Variants in KLF7 observed in about 807,000 individuals in gnomAD.
KLF7 encodes Krueppel-like factor 7.
A neutral mutation model predicts 27.3 loss-of-function variants in KLF7; 2 were observed. The observed-to-expected ratio is 0.07, with a 90% CI of 0.03 to 0.23. KLF7 has a LOEUF of 0.23. KLF7 is among the 10% of genes least tolerant of loss of function. The pLI is 1.00. For missense variants in KLF7, 221 were observed against 394.1 expected (o/e 0.56, Z 3.72); for synonymous variants, 165 against 162.4 (o/e 1.02, Z -0.12).
At chr2:207,103,462 C>T (rs1053831841) in intron 2 of KLF7, among the ~76,000 whole-genome samples, 3 of 152,206 alleles carry the variant, frequency 2.0e-5, no homozygotes, top group African/African-American at 4.8e-5. Flanking sequence ...AGAAATCTTA[C>T]ATCTTTAAGC....
rs578006267 is a variant in KLF7, at chr2:207,081,162, G to C, written c.*51C>G. On this transcript the variant is annotated 3_prime_UTR_variant, in exon 4 of 4. Transcript: ENST00000309446. ...GAAGTCCAGCCCCCTGCCTCATGGC[G>C]TTTCCTTTAGACACTAGCCGATGCC... The C allele has an allele frequency of 3.2e-6, 5 of 1,558,602 alleles. No homozygotes were observed. The South Asian group carries it at 5.6e-5, about 17-fold the overall frequency.
intron 1 of KLF7, among the ~76,000 whole-genome samples, chr2:207,143,791 C>T (rs1238299279): frequency 6.6e-6 from 1 of 152,112 alleles, no homozygotes; most frequent in African/African-American, 2.4e-5. Context: ...GCACATTTGA[C>T]CTTTGGAAAT....
intron 1 of KLF7, among the ~76,000 whole-genome samples, chr2:207,153,482 A>G (rs2078300742): frequency 6.6e-6 from 1 of 152,252 alleles, no homozygotes; most frequent in African/African-American, 2.4e-5. Flanking sequence ...ACAGAGAGGT[A>G]AAGTGAGACA....
chr2:207,102,951 CAG>C (rs2076801471), intron 2 of KLF7, among the ~76,000 whole-genome samples: 1 of 152,126 alleles, frequency 6.6e-6, no homozygotes, highest in African/African-American at 2.4e-5. Flanking sequence ...ATTTTTGAGA[CAG>C]AGTCTCGCTC....
chr2:207,149,841 C>A (rs1181486817), intron 1 of KLF7, among the ~76,000 whole-genome samples: 1 of 152,208 alleles, frequency 6.6e-6, no homozygotes, highest in African/African-American at 2.4e-5. Context: ...TCTCCAAGAG[C>A]AACATACTGC....
At chr2:207,106,776 T>C (rs535832959) in intron 2 of KLF7, among the ~76,000 whole-genome samples, 1 of 152,232 alleles carries the variant, frequency 6.6e-6, no homozygotes, top group African/African-American at 2.4e-5. Flanking sequence ...ATGATGGTAA[T>C]GGATGCTAAG....
intron 2 of KLF7, among the ~76,000 whole-genome samples, chr2:207,099,550 CGA>C (rs1491449383): frequency 4.4e-5 from 1 of 22,844 alleles, no homozygotes; most frequent in Non-Finnish European, 8.9e-5. Flanking sequence ...GCTACATATG[CGA>C]TATATATATA....
At chr2:207,157,110 AG>A (rs1177070407) in intron 1 of KLF7, among the ~76,000 whole-genome samples, 2 of 152,108 alleles carry the variant, frequency 1.3e-5, no homozygotes, top group Non-Finnish European at 2.9e-5. Flanking sequence ...CAGTGTGCAA[AG>A]CTTTCTAAGA....
At position 207,094,013 on chromosome 2, in the gene KLF7, C is replaced by G. The variant is rs552290734; in HGVS notation, c.734-5432G>C. On this transcript the variant is annotated intron_variant, in intron 2 of 3. Coordinates refer to ENST00000309446, the MANE Select transcript of KLF7 (RefSeq NM_003709.4). ...TTAATCTCACACATAGGAACCTATC[C>G]TCCTGAGCAATATCCCCTCTGGGAA... Among the ~76,000 whole-genome samples the G allele has an allele frequency of 6.8e-4, 104 of 152,238 alleles. 1 individual carries two copies. Among genetic ancestry groups the G allele is most frequent in the Non-Finnish European group, 1.3e-3 (87 of 68,036 alleles).
intron 3 of KLF7, among the ~76,000 whole-genome samples, chr2:207,082,909 T>A (rs1263595): frequency 6.6e-6 from 1 of 152,016 alleles, no homozygotes; most frequent in Non-Finnish European, 1.5e-5. Context: ...ATTCCTTAAA[T>A]AGGCACATGT....
intron 1 of KLF7, among the ~76,000 whole-genome samples, chr2:207,164,448 C>A: frequency 6.6e-6 from 1 of 150,466 alleles, no homozygotes; most frequent in East Asian, 2.0e-4. Context: ...ATACCCGTGT[C>A]CCCCCGCCCC....
In KLF7 at chr2:207,146,738, C is replaced by A. The variant is rs548147741; in HGVS notation, c.102+18729G>T. 4.9e-4 allele frequency among the ~76,000 whole-genome samples: 74 copies of A among 152,168 alleles called. 1 individual carries two copies. Among genetic ancestry groups the A allele is most frequent in the South Asian group, 3.9e-3 (19 of 4,816 alleles). ...AAAAAACAAAAAGAAGAAAAAAAAACCAGAAAAACGGAAGAAAGAGAAAAC... is the reference window on the plus strand; with the variant it reads ...AAAAAACAAAAAGAAGAAAAAAAAAACAGAAAAACGGAAGAAAGAGAAAAC... On this transcript the variant is annotated intron_variant, in intron 1 of 3. Transcript: ENST00000309446.
At chr2:207,150,693 G>A (rs561667277) in intron 1 of KLF7, among the ~76,000 whole-genome samples, 3 of 152,208 alleles carry the variant, frequency 2.0e-5, no homozygotes, top group South Asian at 4.1e-4. Context: ...GTTTTCTGAT[G>A]CCAAATCCCT....
intron 2 of KLF7, among the ~76,000 whole-genome samples, chr2:207,101,932 A>T (rs777478492): frequency 3.3e-5 from 5 of 152,172 alleles, no homozygotes; most frequent in African/African-American, 4.8e-5. Context: ...CAAGACTTAG[A>T]ATGCTGGACA....
intron 2 of KLF7, among the ~76,000 whole-genome samples, chr2:207,091,601 A>C (rs1303806497): frequency 6.6e-6 from 1 of 152,238 alleles, no homozygotes; most frequent in African/African-American, 2.4e-5. Context: ...ATAATCAAGA[A>C]TGCCCAATGA....
intron 1 of KLF7, among the ~76,000 whole-genome samples, chr2:207,150,997 T>TTA (rs774012911): frequency 1.1e-5 from 1 of 90,342 alleles, no homozygotes; most frequent in African/African-American, 4.3e-5. Context: ...TTCTCTTTAT[T>TTA]AAAAAAAAAA....
intron 1 of KLF7, among the ~76,000 whole-genome samples, chr2:207,161,121 C>A (rs1449873946): frequency 2.0e-5 from 3 of 152,204 alleles, no homozygotes; most frequent in Non-Finnish European, 4.4e-5. Flanking sequence ...TAAATCTACA[C>A]AAAGATGTGT....
chr2:207,115,590 C>T (rs547179421), intron 2 of KLF7, among the ~76,000 whole-genome samples: 16 of 152,266 alleles, frequency 1.1e-4, no homozygotes, highest in Non-Finnish European at 1.9e-4. Flanking sequence ...CAACATTTAG[C>T]TTAATAATGT....
intron 1 of KLF7, among the ~76,000 whole-genome samples, chr2:207,154,393 C>T (rs1046476704): frequency 2.6e-5 from 4 of 152,172 alleles, no homozygotes; most frequent in African/African-American, 9.7e-5. Context: ...TGGACATTTG[C>T]ATGAACAAGC....
Sources: gnomAD v4.1 joint callset for allele counts (sites outside exome capture counted in the v4.1 genomes callset) on GRCh38, gnomAD v4.1.1 for gene constraint, MANE v1.5 for transcripts, NCBI Gene and HGNC (gene_info 2026-07-23, HGNC 2026-07-21) for gene names.